Variants in KLHL32 observed in about 807,000 individuals in gnomAD.
KLHL32 encodes the protein kelch-like protein 32.
A neutral mutation model predicts 64.8 loss-of-function variants in KLHL32; 35 were observed. The ratio of observed to expected loss-of-function variants is 0.54; its 90% confidence interval spans 0.41 to 0.72. KLHL32 has a LOEUF of 0.72. Ranked by LOEUF, KLHL32 falls within the 30% of genes least tolerant of loss-of-function variation. The probability of loss-of-function intolerance (pLI) is 0.00; values close to 1 mark genes in which losing one functional copy is unlikely to be tolerated. For synonymous variants in KLHL32, 259 were observed against 281.0 expected, an observed-to-expected ratio of 0.92 and a Z score of 0.78; for missense variants, 589 against 768.5, an observed-to-expected ratio of 0.77 and a Z score of 2.76.
intron 1 of KLHL32, among the ~76,000 whole-genome samples, chr6:96,949,768 C>T (rs538357812): frequency 1.3e-5 from 2 of 151,992 alleles, no homozygotes; most frequent in East Asian, 3.9e-4. Flanking sequence ...CTTTTTTTCC[C>T]CTCCTAAATT....
chr6:97,085,441 G>T, intron 6 of KLHL32, 100 bp downstream of exon 6: 2 of 1,001,496 alleles, frequency 2.0e-6, no homozygotes, highest in Non-Finnish European at 1.5e-6. Context: ...AGTGGCTTTG[G>T]TCCTCATGGA....
intron 5 of KLHL32, among the ~76,000 whole-genome samples, chr6:97,070,509 A>T (rs979326559): frequency 3.3e-5 from 5 of 152,148 alleles, no homozygotes; most frequent in African/African-American, 1.2e-4. Flanking sequence ...ACACTAAAGG[A>T]TGTCAGGAAG....
chr6:96,984,878 G>A (rs996625152), intron 3 of KLHL32, among the ~76,000 whole-genome samples: 1 of 152,078 alleles, frequency 6.6e-6, no homozygotes, highest in African/African-American at 2.4e-5. Context: ...TTACATTTAA[G>A]GTTAATATTG....
chr6:97,128,529 A>G (rs1015824287), intron 8 of KLHL32, among the ~76,000 whole-genome samples: 1 of 152,228 alleles, frequency 6.6e-6, no homozygotes, highest in African/African-American at 2.4e-5. Context: ...TACGGTGGGT[A>G]CTGGCAAACA....
intron 3 of KLHL32, among the ~76,000 whole-genome samples, chr6:97,027,272 T>C (rs914473158): frequency 8.5e-5 from 13 of 152,158 alleles, no homozygotes; most frequent in African/African-American, 3.1e-4. Context: ...TGGTCCCTAT[T>C]TATACCCATG....
chr6:96,987,053 A>G (rs1777192623), intron 3 of KLHL32, among the ~76,000 whole-genome samples: 1 of 152,026 alleles, frequency 6.6e-6, no homozygotes, highest in Non-Finnish European at 1.5e-5. Flanking sequence ...ATCAGTGGTG[A>G]TATCCCCTTT....
chr6:97,131,022 T>C, intron 9 of KLHL32, 73 bp downstream of exon 9: 4 of 1,272,860 alleles, frequency 3.1e-6, no homozygotes, highest in Non-Finnish European at 4.4e-6. Flanking sequence ...ATAGACATCT[T>C]TAGGGCATCA....
At chr6:97,036,622 G>A (rs1269889918) in intron 3 of KLHL32, among the ~76,000 whole-genome samples, 3 of 152,204 alleles carry the variant, frequency 2.0e-5, no homozygotes, top group Non-Finnish European at 4.4e-5. Flanking sequence ...CTGTGTGGTA[G>A]TTCTGGGTCC....
At chr6:97,012,478 T>G (rs1780536182) in intron 3 of KLHL32, among the ~76,000 whole-genome samples, 1 of 152,226 alleles carries the variant, frequency 6.6e-6, no homozygotes, top group African/African-American at 2.4e-5. Context: ...AATACAGCCC[T>G]GCTGACACCT....
chr6:97,029,123 T>C (rs962138308), intron 3 of KLHL32, among the ~76,000 whole-genome samples: 19 of 152,192 alleles, frequency 1.2e-4, no homozygotes, highest in African/African-American at 4.6e-4. Context: ...AACAACTTGA[T>C]TTGTGTCCTT....
chr6:96,976,311 T>G, intron 3 of KLHL32, 134 bp downstream of exon 3: 1 of 789,378 alleles, frequency 1.3e-6, no homozygotes, highest in South Asian at 2.5e-5. Context: ...TGTTCTTTCC[T>G]GGGTAGAATG....
rs565615666 is a variant in KLHL32, at chr6:97,094,776, A to G, written c.627+9435A>G. ...TTACAAGTCAGTATTGGTAAGTGGCACGGTATTACTTATGCTTCAAGAACA... is the reference window on the plus strand; with the variant it reads ...TTACAAGTCAGTATTGGTAAGTGGCGCGGTATTACTTATGCTTCAAGAACA... On this transcript the variant is annotated intron_variant, in intron 6 of 10. Coordinates refer to ENST00000369261, the MANE Select transcript of KLHL32 (RefSeq NM_052904.4). 6.3e-4 allele frequency among the ~76,000 whole-genome samples: 96 copies of G among 152,290 alleles called. 1 individual carries two copies. The highest frequency in any genetic ancestry group is 2.3e-3 in the African/African-American group (94 of 41,574).
At chr6:97,052,718 A>T (rs1173958395) in intron 4 of KLHL32, among the ~76,000 whole-genome samples, 1 of 152,232 alleles carries the variant, frequency 6.6e-6, no homozygotes, top group Admixed American at 6.5e-5. Context: ...CTGAGAAGGT[A>T]GTATTGACTC....
rs555250302 is a variant in KLHL32 at position 97,103,464 on chromosome 6, T to C, written c.628-10319T>C. ...TCCTGACCTTGTGATCTGCCCGCCT[T>C]GGCCTCCCAAAGTGCTGGGATTACA... On this transcript the variant is annotated intron_variant, in intron 6 of 10. Coordinates refer to ENST00000369261, the MANE Select transcript of KLHL32 (RefSeq NM_052904.4). 1.0e-3 allele frequency among the ~76,000 whole-genome samples: 152 copies of C among 152,280 alleles called. 1 individual carries two copies. Among genetic ancestry groups the C allele is most frequent in the African/African-American group, 3.2e-3 (131 of 41,570 alleles).
At chr6:96,981,958 T>C (rs1776366237) in intron 3 of KLHL32, among the ~76,000 whole-genome samples, 1 of 152,114 alleles carries the variant, frequency 6.6e-6, no homozygotes, top group Non-Finnish European at 1.5e-5. Context: ...CTGAGGATTG[T>C]TTTATGGCTA....
intron 3 of KLHL32, among the ~76,000 whole-genome samples, chr6:97,014,249 C>A (rs1055215403): frequency 3.3e-5 from 5 of 151,070 alleles, no homozygotes; most frequent in African/African-American, 1.2e-4. Context: ...GAGCCGAAAT[C>A]GCGCCACTGC....
intron 1 of KLHL32, among the ~76,000 whole-genome samples, chr6:96,930,858 C>CAG (rs1769789058): frequency 6.6e-6 from 1 of 152,094 alleles, no homozygotes; most frequent in African/African-American, 2.4e-5. Flanking sequence ...TCAGTTTCCT[C>CAG]CTACCCAGGC....
intron 4 of KLHL32, among the ~76,000 whole-genome samples, chr6:97,042,899 T>C (rs1238925019): frequency 6.6e-6 from 1 of 152,214 alleles, no homozygotes; most frequent in Non-Finnish European, 1.5e-5. Flanking sequence ...GTCATGTTGA[T>C]TGATTCTTCG....
At chr6:97,097,006 T>C (rs1382770325) in intron 6 of KLHL32, among the ~76,000 whole-genome samples, 5 of 152,224 alleles carry the variant, frequency 3.3e-5, no homozygotes, top group Admixed American at 1.3e-4. Context: ...GTTAGAATTA[T>C]GCTGAATACC....
Sources: allele counts gnomAD v4.1 joint callset (sites outside exome capture counted in the v4.1 genomes callset), GRCh38; gene constraint gnomAD v4.1.1; transcripts MANE v1.5; gene names NCBI Gene and HGNC (gene_info 2026-07-23, HGNC 2026-07-21).